ZNF385D: variants seen among roughly 807,000 people sequenced by gnomAD.
The protein encoded by ZNF385D is zinc finger protein 385D.
ZNF385D carries 15 observed loss-of-function variants against 35.8 expected under a neutral mutation model. The observed-to-expected ratio is 0.42, with a 90% confidence interval of 0.28 to 0.64. The LOEUF is 0.64. Ranked by LOEUF, ZNF385D falls within the 30% of genes least tolerant of loss-of-function variation. The pLI is 0.23. For missense variants in ZNF385D, 474 were observed against 494.6 expected, an observed-to-expected ratio of 0.96 and a Z score of 0.39; for synonymous variants, 212 against 186.8, an observed-to-expected ratio of 1.13 and a Z score of -1.10.
At chr3:22,095,088 C>CTTTTTT (rs10663641) in intron 3 of ZNF385D, among the ~76,000 whole-genome samples, 116 of 121,950 alleles carry the variant, frequency 9.5e-4, no homozygotes, top group Non-Finnish European at 1.4e-3. Flanking sequence ...TTCATTCTTT[C>CTTTTTT]TTTTTTTTTT....
At chr3:21,741,302 T>A (rs1223333421) in intron 1 of ZNF385D, among the ~76,000 whole-genome samples, 2 of 152,192 alleles carry the variant, frequency 1.3e-5, no homozygotes, top group Non-Finnish European at 2.9e-5. Context: ...TTTAGGATCC[T>A]ACACAACTTT....
At chr3:22,075,852 C>G (rs574306614) in intron 3 of ZNF385D, among the ~76,000 whole-genome samples, 1 of 151,944 alleles carries the variant, frequency 6.6e-6, no homozygotes, top group Non-Finnish European at 1.5e-5. Context: ...ATGAGTTCAA[C>G]TATAACTCTT....
chr3:22,107,075 A>G (rs1316185371), intron 3 of ZNF385D, among the ~76,000 whole-genome samples: 1 of 130,166 alleles, frequency 7.7e-6, no homozygotes, highest in East Asian at 2.1e-4. Flanking sequence ...CCCAGGCTGG[A>G]GTGCAATGGA....
At chr3:22,037,428 A>T (rs1319546258) in intron 3 of ZNF385D, among the ~76,000 whole-genome samples, 1 of 151,780 alleles carries the variant, frequency 6.6e-6, no homozygotes, top group Non-Finnish European at 1.5e-5. Context: ...ATGGTATCTC[A>T]TTGTGGTTTT....
intron 3 of ZNF385D, among the ~76,000 whole-genome samples, chr3:21,897,036 G>C (rs1055714949): frequency 3.3e-5 from 5 of 152,222 alleles, no homozygotes; most frequent in African/African-American, 1.2e-4. Context: ...AGGCAGTCAT[G>C]AAATAGCTAC....
At chr3:21,987,815 G>A (rs1694898622) in intron 3 of ZNF385D, among the ~76,000 whole-genome samples, 2 of 127,160 alleles carry the variant, frequency 1.6e-5, no homozygotes, top group South Asian at 5.2e-4. Context: ...CCAATCAGAC[G>A]TAGATTTGGT....
chr3:22,235,051 C>T (rs181567953), intron 2 of ZNF385D, among the ~76,000 whole-genome samples: 147 of 152,004 alleles, frequency 9.7e-4, no homozygotes, highest in Admixed American at 3.1e-3. Context: ...CACTAAGGCA[C>T]GAGTTAAAAA....
intron 3 of ZNF385D, among the ~76,000 whole-genome samples, chr3:22,011,261 G>A (rs1300299977): frequency 6.6e-6 from 1 of 151,958 alleles, no homozygotes; most frequent in East Asian, 1.9e-4. Flanking sequence ...ATGGATAGAT[G>A]GTTATTTTAA....
intron 3 of ZNF385D, among the ~76,000 whole-genome samples, chr3:22,156,792 G>A (rs904410793): frequency 6.6e-6 from 1 of 152,044 alleles, no homozygotes; most frequent in African/African-American, 2.4e-5. Flanking sequence ...GCATACCAGG[G>A]AATCTGAATT....
At chr3:21,920,384 T>C (rs1161887067) in intron 3 of ZNF385D, among the ~76,000 whole-genome samples, 2 of 152,222 alleles carry the variant, frequency 1.3e-5, no homozygotes, top group Non-Finnish European at 2.9e-5. Flanking sequence ...GGGTCATTGT[T>C]ACAGCTGTGA....
At chr3:21,925,148 T>C (rs983904632) in intron 3 of ZNF385D, among the ~76,000 whole-genome samples, 3 of 152,144 alleles carry the variant, frequency 2.0e-5, no homozygotes, top group Non-Finnish European at 4.4e-5. Context: ...ATACATACAA[T>C]TATTTTGAAA....
At chr3:21,783,340 A>G (rs2071564357) in intron 3 of ZNF385D, among the ~76,000 whole-genome samples, 1 of 152,174 alleles carries the variant, frequency 6.6e-6, no homozygotes, top group Non-Finnish European at 1.5e-5. Flanking sequence ...GGAGTCTCAA[A>G]TATTTCCAGT....
intron 3 of ZNF385D, among the ~76,000 whole-genome samples, chr3:22,041,201 G>T (rs1698643215): frequency 6.6e-6 from 1 of 152,100 alleles, no homozygotes; most frequent in African/African-American, 2.4e-5. Context: ...TCTAGTTGAA[G>T]AGAAAAACTC....
chr3:21,912,175 C>T (rs1559747198), intron 3 of ZNF385D, among the ~76,000 whole-genome samples: 1 of 151,904 alleles, frequency 6.6e-6, no homozygotes, highest in Non-Finnish European at 1.5e-5. Flanking sequence ...CAGTCTCAAC[C>T]ATTTCTCTTC....
intron 4 of ZNF385D, among the ~76,000 whole-genome samples, chr3:21,455,608 T>A (rs1239052225): frequency 2.0e-5 from 3 of 152,196 alleles, no homozygotes; most frequent in African/African-American, 7.2e-5. Flanking sequence ...AAGACTTACA[T>A]GTTAGACCTA....
intron 3 of ZNF385D, among the ~76,000 whole-genome samples, chr3:21,968,340 A>G (rs1469142218): frequency 2.6e-5 from 4 of 152,134 alleles, no homozygotes; most frequent in Non-Finnish European, 5.9e-5. Context: ...TCTAGGCCAC[A>G]AGGACTCCAA....
rs568897425 is a variant in ZNF385D at position 22,219,703 on chromosome 3, ATAAT to A, written c.107-50672_107-50669del. Among the ~76,000 whole-genome samples the A allele has an allele frequency of 2.9e-4, 44 of 152,318 alleles. No homozygotes were observed. In the East Asian group the frequency reaches 7.9e-3, roughly 27 times the overall value. ...TCAACTATTTCTAGAGGAATGACTC[ATAAT>A]TAAACAAATTAATATTTCTAATTCA... On this transcript the variant is annotated intron_variant, in intron 2 of 5. Coordinates refer to the ZNF385D transcript ENST00000494108.
At chr3:21,961,125 G>T (rs1288744099) in intron 3 of ZNF385D, among the ~76,000 whole-genome samples, 1 of 151,938 alleles carries the variant, frequency 6.6e-6, no homozygotes, top group Non-Finnish European at 1.5e-5. Context: ...TAATTATCCT[G>T]ATTTGAGTAT....
intron 3 of ZNF385D, among the ~76,000 whole-genome samples, chr3:21,950,473 T>G (rs1702010515): frequency 6.6e-6 from 1 of 151,842 alleles, no homozygotes; most frequent in African/African-American, 2.4e-5. Context: ...AGGCACAGAT[T>G]GCAAAAATCT....
Sources: allele counts gnomAD v4.1 joint callset (sites outside exome capture counted in the v4.1 genomes callset), GRCh38; gene constraint gnomAD v4.1.1; transcripts MANE v1.5; gene names NCBI Gene and HGNC (gene_info 2026-07-23, HGNC 2026-07-21).